Variants in PTPRD observed in about 807,000 individuals in gnomAD.
PTPRD encodes protein tyrosine phosphatase receptor type D, also known as receptor-type tyrosine-protein phosphatase delta.
In PTPRD, 34 loss-of-function variants were observed where a neutral mutation model predicts 214.5. The observed-to-expected ratio is 0.16, with a 90% CI of 0.12 to 0.21. The LOEUF is 0.21. PTPRD is among the 10% of genes least tolerant of loss of function. PTPRD has a pLI of 1.00. For missense variants in PTPRD, 2,545 were observed against 2,398.7 expected (o/e 1.06, Z -1.27); for synonymous variants, 1,128 against 845.7 (o/e 1.33, Z -5.79).
intron 6 of PTPRD, among the ~76,000 whole-genome samples, chr9:9,763,478 C>G (rs1422933827): frequency 2.0e-5 from 3 of 151,976 alleles, no homozygotes; most frequent in Non-Finnish European, 4.4e-5. Context: ...TTTAAAAAAT[C>G]TTCAAAATTA....
intron 9 of PTPRD, among the ~76,000 whole-genome samples, chr9:9,368,332 A>G (rs1268558023): frequency 1.3e-5 from 2 of 151,732 alleles, no homozygotes; most frequent in African/African-American, 2.4e-5. Flanking sequence ...AATGAAATAT[A>G]CTAGCATAAA....
At chr9:8,553,858 G>T (rs769946580) in intron 14 of PTPRD, among the ~76,000 whole-genome samples, 20 of 152,248 alleles carry the variant, frequency 1.3e-4, no homozygotes, top group Non-Finnish European at 1.9e-4. Context: ...GTACAAAAAA[G>T]AAGGCGGCCA....
At chr9:9,184,756 T>C (rs10123773) in intron 9 of PTPRD, among the ~76,000 whole-genome samples, 87,987 of 151,856 alleles carry the variant, frequency 0.58, 25,662 homozygotes, top group South Asian at 0.72. Flanking sequence ...GCTGAGCGCT[T>C]GACACAGAAA....
chr9:9,754,415 T>C (rs1004872756), intron 6 of PTPRD, among the ~76,000 whole-genome samples: 5 of 152,058 alleles, frequency 3.3e-5, no homozygotes, highest in African/African-American at 1.2e-4. Flanking sequence ...TATTCTGACT[T>C]AGTCACTGAC....
At chr9:8,504,730 T>A (rs917575248) in intron 22 of PTPRD, among the ~76,000 whole-genome samples, 1 of 152,214 alleles carries the variant, frequency 6.6e-6, no homozygotes, top group Non-Finnish European at 1.5e-5. Flanking sequence ...TAAATGTGTG[T>A]ATGTTGCTGT....
intron 11 of PTPRD, among the ~76,000 whole-genome samples, chr9:8,947,241 A>G (rs1400324958): frequency 6.6e-6 from 1 of 151,640 alleles, no homozygotes; most frequent in African/African-American, 2.4e-5. Context: ...AGGTGGGTGG[A>G]TCATGAGGTC....
chr9:9,832,888 T>G (rs1230031605), intron 5 of PTPRD, among the ~76,000 whole-genome samples: 1 of 143,786 alleles, frequency 7.0e-6, no homozygotes, highest in East Asian at 2.0e-4. Context: ...AAGCTTTTTT[T>G]CTATGTTTTT....
In PTPRD at chr9:10,052,840, C is replaced by G. The variant is rs1277479560; in HGVS notation, c.-544-19050G>C. Among the ~76,000 whole-genome samples the G allele has an allele frequency of 5.9e-5, 9 of 152,070 alleles. No individual in the cohort carries two copies. In the East Asian group the frequency reaches 1.7e-3, roughly 29 times the overall value. Reference sequence around the variant, plus strand: ...CTTTTTACCTTTCCCTCTCTATTTCCCATCTCACCTCCATTCCTATGGCAA... The same window carrying G: ...CTTTTTACCTTTCCCTCTCTATTTCGCATCTCACCTCCATTCCTATGGCAA... On this transcript the variant is annotated intron_variant, in intron 3 of 45. Coordinates refer to ENST00000381196, the MANE Select transcript of PTPRD (RefSeq NM_002839.4).
At chr9:9,789,634 A>G (rs2098952162) in intron 5 of PTPRD, among the ~76,000 whole-genome samples, 1 of 151,678 alleles carries the variant, frequency 6.6e-6, no homozygotes, top group African/African-American at 2.4e-5. Context: ...CGTCCCTACT[A>G]AAAATACAAA....
intron 10 of PTPRD, among the ~76,000 whole-genome samples, chr9:9,157,940 A>G (rs1201920630): frequency 2.0e-5 from 3 of 152,150 alleles, no homozygotes; most frequent in African/African-American, 4.8e-5. Flanking sequence ...CTCATCAGTC[A>G]GCTCCTACTT....
chr9:8,415,860 T>C (rs190102291), intron 35 of PTPRD, among the ~76,000 whole-genome samples: 14 of 151,926 alleles, frequency 9.2e-5, no homozygotes, highest in Non-Finnish European at 1.8e-4. Flanking sequence ...GCAAGTGAGG[T>C]TTCCAGAAAA....
At chr9:10,476,090 C>T (rs1375469696) in intron 2 of PTPRD, among the ~76,000 whole-genome samples, 1 of 152,086 alleles carries the variant, frequency 6.6e-6, no homozygotes, top group African/African-American at 2.4e-5. Flanking sequence ...GTTATGCCCC[C>T]TCTCACCTCT....
intron 10 of PTPRD, among the ~76,000 whole-genome samples, chr9:9,051,670 G>T (rs1238915758): frequency 6.6e-6 from 1 of 152,148 alleles, no homozygotes; most frequent in African/African-American, 2.4e-5. Flanking sequence ...ATGTTAGGTT[G>T]TGACATGGTC....
intron 26 of PTPRD, among the ~76,000 whole-genome samples, chr9:8,494,563 G>A (rs910886888): frequency 1.3e-5 from 2 of 152,182 alleles, no homozygotes; most frequent in African/African-American, 4.8e-5. Flanking sequence ...TGCCACTGGA[G>A]TACTGCTGAA....
intron 2 of PTPRD, among the ~76,000 whole-genome samples, chr9:10,374,615 G>C (rs149501494): frequency 6.6e-6 from 1 of 151,964 alleles, no homozygotes; most frequent in African/African-American, 2.4e-5. Flanking sequence ...TCCTGCCTAC[G>C]TTTAGTGTCC....
intron 5 of PTPRD, among the ~76,000 whole-genome samples, chr9:9,858,309 C>T (rs1431036367): frequency 6.6e-6 from 1 of 152,164 alleles, no homozygotes; most frequent in Admixed American, 6.5e-5. Context: ...ATTTAGCCAG[C>T]ATAATGGAAA....
chr9:10,466,450 C>A (rs1419986338), intron 2 of PTPRD, among the ~76,000 whole-genome samples: 2 of 151,638 alleles, frequency 1.3e-5, no homozygotes. Context: ...ATGAAGAAAC[C>A]CTGTTTCTAC....
intron 2 of PTPRD, among the ~76,000 whole-genome samples, chr9:10,544,358 A>T (rs934559684): frequency 1.3e-5 from 2 of 152,206 alleles, no homozygotes; most frequent in African/African-American, 4.8e-5. Flanking sequence ...TAACAGAAAC[A>T]AAAGTGATAC....
chr9:9,403,675 A>T (rs866551472), intron 8 of PTPRD, among the ~76,000 whole-genome samples: 2 of 152,060 alleles, frequency 1.3e-5, no homozygotes, highest in East Asian at 1.9e-4. Context: ...TAATTTATTA[A>T]TTTTTTTATT....
Sources: allele counts gnomAD v4.1 joint callset (sites outside exome capture counted in the v4.1 genomes callset), GRCh38; gene constraint gnomAD v4.1.1; transcripts MANE v1.5; gene names NCBI Gene and HGNC (gene_info 2026-07-23, HGNC 2026-07-21).